NRG3: variants seen among roughly 807,000 people sequenced by gnomAD.
The protein encoded by NRG3 is neuregulin 3, also known as pro-neuregulin-3, membrane-bound isoform.
In NRG3, 31 loss-of-function variants were observed where a neutral mutation model predicts 66.9. That is an observed-to-expected ratio of 0.46 (90% confidence interval 0.35 to 0.63). The LOEUF is 0.63. Ranked by LOEUF, NRG3 falls within the 20% of genes least tolerant of loss-of-function variation. The probability of loss-of-function intolerance (pLI) is 0.00; values close to 1 mark genes in which losing one functional copy is unlikely to be tolerated. For missense variants in NRG3, 910 were observed against 878.9 expected, an observed-to-expected ratio of 1.04 and a Z score of -0.45; for synonymous variants, 393 against 359.4, an observed-to-expected ratio of 1.09 and a Z score of -1.06.
At chr10:82,130,564 G>A (rs879884957) in intron 1 of NRG3, among the ~76,000 whole-genome samples, 3 of 152,096 alleles carry the variant, frequency 2.0e-5, no homozygotes, top group Non-Finnish European at 4.4e-5. Flanking sequence ...ACCTAGCAGT[G>A]GGATTGGTGG....
chr10:82,041,639 A>C (rs1218233936), intron 1 of NRG3, among the ~76,000 whole-genome samples: 2 of 151,962 alleles, frequency 1.3e-5, no homozygotes, highest in Non-Finnish European at 2.9e-5. Context: ...CATTCCTCAA[A>C]ATATCTGTAG....
At chr10:82,190,989 C>T (rs919369912) in intron 1 of NRG3, among the ~76,000 whole-genome samples, 8 of 152,052 alleles carry the variant, frequency 5.3e-5, no homozygotes, top group African/African-American at 1.9e-4. Context: ...CCTACAACTC[C>T]CCACCTCAGG....
At chr10:82,194,064 T>G (rs912748562) in intron 1 of NRG3, among the ~76,000 whole-genome samples, 1 of 152,138 alleles carries the variant, frequency 6.6e-6, no homozygotes, top group African/African-American at 2.4e-5. Flanking sequence ...CAAGAGAACC[T>G]TTACCAAGAA....
At chr10:82,943,847 C>G (rs1417271626) in intron 4 of NRG3, among the ~76,000 whole-genome samples, 1 of 152,104 alleles carries the variant, frequency 6.6e-6, no homozygotes, top group Non-Finnish European at 1.5e-5. Context: ...AGATGAAAAA[C>G]CAGAATTTAT....
At chr10:82,949,881 A>T (rs1461659147) in intron 4 of NRG3, among the ~76,000 whole-genome samples, 2 of 152,080 alleles carry the variant, frequency 1.3e-5, no homozygotes, top group Non-Finnish European at 2.9e-5. Context: ...CCAAAAAAAA[A>T]ACCAAAAAGA....
intron 1 of NRG3, among the ~76,000 whole-genome samples, chr10:82,157,777 T>G (rs950341272): frequency 6.6e-6 from 1 of 151,548 alleles, no homozygotes; most frequent in Non-Finnish European, 1.5e-5. Context: ...GAAGGAGGCA[T>G]AGAAATTTGC....
chr10:82,567,755 T>C (rs1039481374), intron 2 of NRG3, among the ~76,000 whole-genome samples: 3 of 152,008 alleles, frequency 2.0e-5, no homozygotes, highest in African/African-American at 7.2e-5. Context: ...CTGGTACTGC[T>C]TCCAAATGTC....
chr10:82,508,193 T>C (rs1475200804), intron 2 of NRG3, among the ~76,000 whole-genome samples: 1 of 152,230 alleles, frequency 6.6e-6, no homozygotes, highest in Non-Finnish European at 1.5e-5. Flanking sequence ...TGTTAACATG[T>C]AACAAACTGC....
intron 1 of NRG3, among the ~76,000 whole-genome samples, chr10:81,937,346 C>T (rs1374316448): frequency 6.6e-6 from 1 of 151,888 alleles, no homozygotes; most frequent in Non-Finnish European, 1.5e-5. Context: ...TTTGAAGAAC[C>T]TCCGTATGTT....
rs1853441747 is a variant in NRG3 at position 82,986,488 on chromosome 10, A to T, written c.*883A>T. 6.6e-6 allele frequency: 1 copy of T among 152,218 alleles called. No homozygotes were observed. The allele number at this position is 152,218 out of a possible 1,614,324, so 9.4% of individuals were successfully genotyped here. ...CATGTGTGCGCGTATTACGCTTGCT[A>T]AAATTTGTTCTGAAACATCAGGGAA... On this transcript the variant is annotated 3_prime_UTR_variant, in exon 9 of 9. Transcript: ENST00000372141.
At chr10:82,121,222 C>G (rs77947217) in intron 1 of NRG3, among the ~76,000 whole-genome samples, 2,925 of 152,188 alleles carry the variant, frequency 0.019, 82 homozygotes, top group African/African-American at 0.067. Flanking sequence ...CCCTCTTGCT[C>G]CTGGTGACAT....
intron 1 of NRG3, among the ~76,000 whole-genome samples, chr10:82,304,407 T>C (rs57739167): frequency 0.02 from 3,095 of 152,316 alleles, 100 homozygotes; most frequent in African/African-American, 0.07. Context: ...GAGTAATTTA[T>C]AGATAAAAAT....
intron 1 of NRG3, among the ~76,000 whole-genome samples, chr10:82,288,770 C>T (rs2079560896): frequency 6.6e-6 from 1 of 152,186 alleles, no homozygotes; most frequent in South Asian, 2.1e-4. Flanking sequence ...TTTGACATTC[C>T]TTCTGATGAC....
At chr10:82,880,953 G>C (rs894303238) in intron 4 of NRG3, among the ~76,000 whole-genome samples, 10 of 152,200 alleles carry the variant, frequency 6.6e-5, no homozygotes, top group African/African-American at 2.2e-4. Flanking sequence ...TCCCAGGAAG[G>C]CTGAATTAGA....
chr10:82,533,177 A>G (rs1480488490), intron 2 of NRG3, among the ~76,000 whole-genome samples: 1 of 151,438 alleles, frequency 6.6e-6, no homozygotes, highest in Non-Finnish European at 1.5e-5. Flanking sequence ...ATTGAGATGT[A>G]GGAATTCCTT....
intron 1 of NRG3, among the ~76,000 whole-genome samples, chr10:82,103,885 AC>A (rs2066904863): frequency 6.6e-6 from 1 of 152,088 alleles, no homozygotes; most frequent in South Asian, 2.1e-4. Context: ...AAACAAACAA[AC>A]AAATAAATAA....
chr10:82,401,520 A>T (rs948398592), intron 2 of NRG3, among the ~76,000 whole-genome samples: 4 of 152,100 alleles, frequency 2.6e-5, no homozygotes, highest in African/African-American at 9.7e-5. Context: ...ATGTACTTTG[A>T]TTCCACAGAT....
intron 1 of NRG3, among the ~76,000 whole-genome samples, chr10:81,893,630 A>T (rs1843239172): frequency 6.6e-6 from 1 of 152,162 alleles, no homozygotes; most frequent in Non-Finnish European, 1.5e-5. Context: ...AATTAACAAA[A>T]TTTTTGCTAG....
intron 1 of NRG3, among the ~76,000 whole-genome samples, chr10:82,295,266 T>C (rs2079990873): frequency 6.6e-6 from 1 of 152,168 alleles, no homozygotes. Flanking sequence ...TCATTTAAGA[T>C]GTAGATGGGA....
Sources: gnomAD v4.1 joint callset for allele counts (sites outside exome capture counted in the v4.1 genomes callset) on GRCh38, gnomAD v4.1.1 for gene constraint, MANE v1.5 for transcripts, NCBI Gene and HGNC (gene_info 2026-07-23, HGNC 2026-07-21) for gene names.